The following RANBP2 variants were observed in gnomAD, a reference collection of about 807,000 sequenced individuals.
RANBP2 encodes RAN binding protein 2, also known as E3 SUMO-protein ligase RanBP2.
RANBP2 carries 57 observed loss-of-function variants against 303.6 expected under a neutral mutation model. The ratio of observed to expected loss-of-function variants is 0.19; its 90% confidence interval spans 0.15 to 0.23. The LOEUF is 0.23. RANBP2 is among the 10% of genes least tolerant of loss of function. The pLI is 1.00. For synonymous variants in RANBP2, 1,167 were observed against 1,301.5 expected, an observed-to-expected ratio of 0.90 and a Z score of 2.23; for missense variants, 3,138 against 3,780.8, an observed-to-expected ratio of 0.83 and a Z score of 4.46.
the RANBP2 span, among the ~76,000 whole-genome samples, chr2:109,224,219 G>T: frequency 1.3e-5 from 2 of 152,270 alleles, no homozygotes; most frequent in East Asian, 3.9e-4. Context: ...TTTAAACTTG[G>T]CTTGAATAGC....
chr2:109,335,475 G>C, the RANBP2 span, among the ~76,000 whole-genome samples: 99,919 of 152,040 alleles, frequency 0.66, 35,249 homozygotes, highest in East Asian at 0.91. Flanking sequence ...CATGCTCGTC[G>C]ACTAGCCCTC....
chr2:108,930,196 T>G, the RANBP2 span: 1 of 1,614,010 alleles, frequency 6.2e-7, no homozygotes, highest in East Asian at 2.2e-5. Flanking sequence ...GTACTCGTTC[T>G]CACCGCAGTT....
chr2:108,912,629 C>T, the RANBP2 span: 11 of 1,506,666 alleles, frequency 7.3e-6, no homozygotes, highest in African/African-American at 1.4e-5. Context: ...GAGCTTTCAT[C>T]CGAGTACCAC....
the RANBP2 span, among the ~76,000 whole-genome samples, chr2:109,740,256 T>TG: frequency 6.6e-6 from 1 of 151,868 alleles, no homozygotes; most frequent in East Asian, 1.9e-4. Context: ...CAAAGTGCTG[T>TG]GATTACAGGC....
the RANBP2 span, among the ~76,000 whole-genome samples, chr2:109,496,678 T>C: frequency 1.3e-5 from 2 of 152,218 alleles, no homozygotes; most frequent in Admixed American, 6.5e-5. Flanking sequence ...TCAGCGTTCC[T>C]TGATCTGATC....
chr2:108,788,590 G>A (rs185786617), downstream of RANBP2, among the ~76,000 whole-genome samples: 5 of 151,762 alleles, frequency 3.3e-5, no homozygotes, highest in Non-Finnish European at 7.4e-5. Context: ...TGTGGTGGCG[G>A]GCTCCTGTAG....
At chr2:109,305,683 G>A in the RANBP2 span, among the ~76,000 whole-genome samples, 1 of 152,228 alleles carries the variant, frequency 6.6e-6, no homozygotes, top group Non-Finnish European at 1.5e-5. Flanking sequence ...CTGCATGCCT[G>A]TCACTGTACA....
the RANBP2 span, among the ~76,000 whole-genome samples, chr2:109,215,095 G>T: frequency 6.6e-6 from 1 of 152,184 alleles, no homozygotes; most frequent in Non-Finnish European, 1.5e-5. Context: ...TCAGTGGGAC[G>T]ACTAACCTCC....
the RANBP2 span, among the ~76,000 whole-genome samples, chr2:109,584,474 CAA>C: frequency 1.7e-4 from 12 of 71,998 alleles, no homozygotes; most frequent in Admixed American, 5.2e-4. Flanking sequence ...GACTCTGTCT[CAA>C]AAAAAAAAAA....
the RANBP2 span, among the ~76,000 whole-genome samples, chr2:109,631,756 A>T: frequency 6.8e-6 from 1 of 147,528 alleles, no homozygotes; most frequent in Non-Finnish European, 1.5e-5. Context: ...AACTCAGTCT[A>T]AAAAAAAAAG....
At chr2:109,554,591 A>T in the RANBP2 span, among the ~76,000 whole-genome samples, 2 of 152,158 alleles carry the variant, frequency 1.3e-5, no homozygotes, top group Non-Finnish European at 2.9e-5. Flanking sequence ...GGGATGAAGA[A>T]CCCAGAGAAA....
the RANBP2 span, among the ~76,000 whole-genome samples, chr2:109,021,478 G>A: frequency 1.4e-5 from 2 of 147,542 alleles, no homozygotes; most frequent in Non-Finnish European, 3.0e-5. Flanking sequence ...AGCCGAGATG[G>A]CGCCACTGCC....
the RANBP2 span, among the ~76,000 whole-genome samples, chr2:109,527,364 G>A: frequency 6.6e-6 from 1 of 152,214 alleles, no homozygotes; most frequent in Non-Finnish European, 1.5e-5. Context: ...TGGTGTTTGT[G>A]TCCTTCCCCT....
At chr2:109,257,923 A>G in the RANBP2 span, among the ~76,000 whole-genome samples, 114,619 of 151,996 alleles carry the variant, frequency 0.75, 43,757 homozygotes, top group East Asian at 0.9. Flanking sequence ...TGGGCTCAGA[A>G]TGAATTAGAC....
At chr2:108,929,364 T>G in the RANBP2 span, 1 of 1,614,080 alleles carries the variant, frequency 6.2e-7, no homozygotes, top group Non-Finnish European at 8.5e-7. Context: ...TCGTCTTTGG[T>G]GCCGTAGCCA....
the RANBP2 span, among the ~76,000 whole-genome samples, chr2:109,626,077 T>G: frequency 6.6e-6 from 1 of 152,212 alleles, no homozygotes; most frequent in Non-Finnish European, 1.5e-5. Context: ...AAAAAAGAAT[T>G]AAAATGACAG....
At chr2:108,912,018 C>T in the RANBP2 span, among the ~76,000 whole-genome samples, 15 of 152,258 alleles carry the variant, frequency 9.9e-5, no homozygotes, top group Non-Finnish European at 1.9e-4. Flanking sequence ...TATATCCTCG[C>T]CCAGCAGTCC....
downstream of RANBP2, among the ~76,000 whole-genome samples, chr2:108,789,482 G>T (rs1210140355): frequency 6.6e-6 from 1 of 152,110 alleles, no homozygotes; most frequent in Non-Finnish European, 1.5e-5. Flanking sequence ...GAATCTCAGC[G>T]ACTTGAGAGG....
the RANBP2 span, among the ~76,000 whole-genome samples, chr2:108,845,469 A>G: frequency 6.6e-6 from 1 of 152,104 alleles, no homozygotes; most frequent in Non-Finnish European, 1.5e-5. Flanking sequence ...CAGTCACATG[A>G]GATTGGAGAA....
Sources: allele counts gnomAD v4.1 joint callset (sites outside exome capture counted in the v4.1 genomes callset), GRCh38; gene constraint gnomAD v4.1.1; transcripts MANE v1.5; gene names NCBI Gene and HGNC (gene_info 2026-07-23, HGNC 2026-07-21).